The following PCDHA2 variants were observed in gnomAD, a reference collection of about 807,000 sequenced individuals.
PCDHA2 encodes the protein protocadherin alpha-2.
Under a neutral mutation model 66.0 loss-of-function variants are expected in PCDHA2, and 58 were observed. That is an observed-to-expected ratio of 0.88 (90% CI 0.71 to 1.09). PCDHA2 has a LOEUF of 1.09. Among genes scored for constraint, PCDHA2 ranks in the 50% least tolerant of loss-of-function variants. PCDHA2 has a pLI of 0.00. For missense variants in PCDHA2, 1,267 were observed against 1,242.3 expected (o/e 1.02, Z -0.30); for synonymous variants, 634 against 554.0 (o/e 1.14, Z -2.03).
intron 1 of PCDHA2, chr5:140,816,428 T>C (rs1765903029): frequency 6.6e-6 from 1 of 152,222 alleles, no homozygotes; most frequent in Non-Finnish European, 1.5e-5. Flanking sequence ...ACTGAACATC[T>C]TTATGACAAT....
chr5:140,980,714 G>A (rs958793243), intron 2 of PCDHA2, among the ~76,000 whole-genome samples: 7 of 151,264 alleles, frequency 4.6e-5, no homozygotes, highest in African/African-American at 9.7e-5. Context: ...GCTCCTATTC[G>A]GGTTTCAATT....
In PCDHA2 at chr5:140,850,297, C is replaced by T. The variant is rs2150478357; in HGVS notation, c.2388+52945C>T. The stretch of plus-strand genomic sequence containing the variant: ...AAGGTGCGCGCAGTGGACGCCGACT[C>T]GGGCTACAACGCGTGGCTTTCATAC... On this transcript the variant is annotated intron_variant, in intron 1 of 3. Coordinates refer to ENST00000526136, the MANE Select transcript of PCDHA2 (RefSeq NM_018905.3). The T allele has an allele frequency of 2.5e-6, 4 of 1,596,320 alleles. No homozygotes were observed. The Admixed American group carries it at 5.1e-5, about 20-fold the overall frequency.
At chr5:140,861,503 C>T in intron 1 of PCDHA2, 3 of 478,536 alleles carry the variant, frequency 6.3e-6, no homozygotes, top group South Asian at 4.8e-5. Flanking sequence ...TGATAGACCT[C>T]GAGGAGCTGT....
intron 1 of PCDHA2, among the ~76,000 whole-genome samples, chr5:140,873,901 T>A (rs2153302941): frequency 6.6e-6 from 1 of 152,352 alleles, no homozygotes; most frequent in South Asian, 2.1e-4. Context: ...CCTCAGGTGA[T>A]CTGCCTGCCT....
chr5:140,829,000 G>C, intron 1 of PCDHA2: 1 of 1,613,886 alleles, frequency 6.2e-7, no homozygotes. Context: ...GAGAAATAGT[G>C]ATTCGGGGTA....
intron 1 of PCDHA2, among the ~76,000 whole-genome samples, chr5:140,911,590 C>A (rs778543832): frequency 3.3e-5 from 5 of 152,156 alleles, no homozygotes; most frequent in Non-Finnish European, 4.4e-5. Context: ...TAGGAGGAAC[C>A]AACCAACTTC....
At chr5:140,862,293 C>A in intron 1 of PCDHA2, 1 of 268,596 alleles carries the variant, frequency 3.7e-6, no homozygotes, top group Non-Finnish European at 7.3e-6. Flanking sequence ...CAGGAGGACG[C>A]TCCACTGGGT....
chr5:140,808,937 T>C, intron 1 of PCDHA2: 1 of 1,613,600 alleles, frequency 6.2e-7, no homozygotes, highest in Non-Finnish European at 8.5e-7. Flanking sequence ...GGTGCCATGG[T>C]CGGTGGGTGT....
Position 140,843,481 on chromosome 5 carries a change from G to A in PCDHA2, c.2388+46129G>A, listed in dbSNP as rs1554140132. ...TGCTCACGCTGCTGCTGTACACTGCGCTGCGGTGCTCAGCACTGCCCACTG... is the reference window on the plus strand; with the variant it reads ...TGCTCACGCTGCTGCTGTACACTGCACTGCGGTGCTCAGCACTGCCCACTG... On this transcript the variant is annotated intron_variant, in intron 1 of 3. Transcript: ENST00000526136. 3.1e-6 allele frequency: 5 copies of A among 1,595,902 alleles called. 1 individual carries two copies. The Admixed American group carries it at 8.4e-5, about 27-fold the overall frequency.
intron 3 of PCDHA2, among the ~76,000 whole-genome samples, chr5:140,984,583 T>C (rs2097109355): frequency 6.6e-6 from 1 of 152,200 alleles, no homozygotes; most frequent in South Asian, 2.1e-4. Context: ...AACCTAATCA[T>C]ACTTTTCAAT....
intron 1 of PCDHA2, among the ~76,000 whole-genome samples, chr5:140,970,048 G>T (rs561588022): frequency 6.6e-6 from 1 of 152,296 alleles, no homozygotes; most frequent in African/African-American, 2.4e-5. Flanking sequence ...TTGTCTGGTT[G>T]GTCCAGGGAG....
At chr5:140,927,472 G>T (rs201932518) in intron 1 of PCDHA2, 4 of 1,614,094 alleles carry the variant, frequency 2.5e-6, no homozygotes, top group African/African-American at 1.3e-5. Context: ...ACTGGATCGC[G>T]AACAGCGCGC....
rs1554148991 is a variant in PCDHA2, at chr5:140,856,698, G to A, written c.2388+59346G>A. ...TTGTTGTTGACAGCAACTGATGGAG[G>A]CAAACCTGAATTTACCGGATCTGTT... On this transcript the variant is annotated intron_variant, in intron 1 of 3. Transcript: ENST00000526136. 3.8e-6 allele frequency: 6 copies of A among 1,596,626 alleles called. 1 individual carries two copies. In the African/African-American group the frequency reaches 8.1e-5, roughly 21 times the overall value.
chr5:140,898,579 T>A (rs1471026172), intron 1 of PCDHA2, among the ~76,000 whole-genome samples: 1 of 152,222 alleles, frequency 6.6e-6, no homozygotes, highest in African/African-American at 2.4e-5. Flanking sequence ...GCCATGCTGT[T>A]TTGGTTACTG....
chr5:140,907,761 T>C (rs1554193135), intron 1 of PCDHA2, among the ~76,000 whole-genome samples: 4 of 152,182 alleles, frequency 2.6e-5, no homozygotes, highest in African/African-American at 9.7e-5. Flanking sequence ...ATGGGCCCAT[T>C]GGGTGATGAC....
rs576414745 is a variant in PCDHA2, at chr5:140,895,584, G to T, written c.2389-83365G>T. Among the ~76,000 whole-genome samples the T allele has an allele frequency of 9.2e-5, 14 of 152,210 alleles. No individual in the cohort carries two copies. In the South Asian group the frequency reaches 2.7e-3, roughly 29 times the overall value. The stretch of plus-strand genomic sequence containing the variant: ...TATTCTAGATGCAATTACTTTATTA[G>T]ATATATAATTTGCAAAGATTTTCTC... On this transcript the variant is annotated intron_variant, in intron 1 of 3. Coordinates refer to ENST00000526136, the MANE Select transcript of PCDHA2 (RefSeq NM_018905.3).
chr5:140,874,359 G>T (rs1456899858), intron 1 of PCDHA2, among the ~76,000 whole-genome samples: 1 of 152,176 alleles, frequency 6.6e-6, no homozygotes, highest in East Asian at 1.9e-4. Context: ...TTGAATTAAT[G>T]AATAAACTCA....
intron 3 of PCDHA2, among the ~76,000 whole-genome samples, chr5:141,001,004 T>C (rs2097982470): frequency 1.3e-5 from 2 of 152,368 alleles, no homozygotes; most frequent in South Asian, 4.1e-4. Flanking sequence ...TTTAAATATG[T>C]ATTTAGATAT....
chr5:141,008,607 C>T (rs782227320), intron 3 of PCDHA2, among the ~76,000 whole-genome samples: 33 of 152,196 alleles, frequency 2.2e-4, no homozygotes, highest in Non-Finnish European at 3.8e-4. Flanking sequence ...CCTCTGGAAC[C>T]CCATTAACTT....
Sources: gnomAD v4.1 joint callset for allele counts (sites outside exome capture counted in the v4.1 genomes callset) on GRCh38, gnomAD v4.1.1 for gene constraint, MANE v1.5 for transcripts, NCBI Gene and HGNC (gene_info 2026-07-23, HGNC 2026-07-21) for gene names.